Variants in GABRA6 observed in about 807,000 individuals in gnomAD.
GABRA6 encodes gamma-aminobutyric acid receptor subunit alpha-6.
In GABRA6, 45 loss-of-function variants were observed where a neutral mutation model predicts 47.3. That is an observed-to-expected ratio of 0.95 (90% CI 0.75 to 1.22). The LOEUF is 1.22. GABRA6 is among the 50% of genes most tolerant of loss of function. The probability of loss-of-function intolerance (pLI) is 0.00; values close to 1 mark genes in which losing one functional copy is unlikely to be tolerated. For missense variants in GABRA6, 583 were observed against 549.3 expected, an observed-to-expected ratio of 1.06 and a Z score of -0.61; for synonymous variants, 219 against 194.7, an observed-to-expected ratio of 1.12 and a Z score of -1.04.
chr5:161,690,544 T>A (rs920802195), intron 7 of GABRA6, among the ~76,000 whole-genome samples, 191 bp downstream of exon 7: 4 of 152,132 alleles, frequency 2.6e-5, no homozygotes, highest in Non-Finnish European at 5.9e-5. Context: ...TCAAAAAAAA[T>A]TTTGTCTCAG....
At position 161,689,352 on chromosome 5, in the gene GABRA6, C is replaced by A; in HGVS notation, c.529+16C>A. The stretch of plus-strand genomic sequence containing the variant: ...TTTGGGAGCTGTAAGTTACAACAGG[C>A]TTCTGAGAGTCAAATAATACATCCA... On this transcript the variant is annotated intron_variant, in intron 5 of 8. Transcript: ENST00000274545. The A allele has an allele frequency of 6.2e-7, 1 of 1,602,992 alleles. No individual in the cohort carries two copies. The highest frequency in any genetic ancestry group is 2.2e-5 in the East Asian group (1 of 44,798).
At position 161,688,957 on chromosome 5, in the gene GABRA6, G is replaced by A. The variant is rs758070899; in HGVS notation, c.234G>A (p.Thr78=). Residue 78 remains threonine (T), a synonymous_variant, in exon 4 of 9, where the codon ACG becomes ACA. Coordinates refer to ENST00000274545, the MANE Select transcript of GABRA6 (RefSeq NM_000811.3). ...ATTTTATTTTCTCTTAGGAGTATAC[G>A]ATGGATGTTTTTTTCCGCCAGACCT... is the stretch of plus-strand genomic sequence containing the variant. ...GPVSDVEMEY[T]MDVFFRQTWT... 7.4e-6 allele frequency: 12 copies of A among 1,613,068 alleles called. No individual in the cohort carries two copies. Among genetic ancestry groups the A allele is most frequent in the Admixed American group, 5.0e-5 (3 of 60,004 alleles).
chr5:161,685,989 G>T lies in GABRA6; in HGVS notation c.-1G>T. The T allele has an allele frequency of 6.2e-7, 1 of 1,613,768 alleles. No individual in the cohort carries two copies. Among genetic ancestry groups the T allele is most frequent in the Non-Finnish European group, 8.5e-7 (1 of 1,179,640 alleles). On this transcript the variant is annotated 5_prime_UTR_variant, in exon 1 of 9. Coordinates refer to ENST00000274545, the MANE Select transcript of GABRA6 (RefSeq NM_000811.3). ...AATTCTGCATTTCAGTGCACTGCAG[G>T]ATGGCGTCGTCTCTGCCCTGGCTGT...
At chr5:161,686,427 C>A in intron 2 of GABRA6, 79 bp downstream of exon 2, 1 of 1,094,148 alleles carries the variant, frequency 9.1e-7, no homozygotes, top group Non-Finnish European at 1.4e-6. Context: ...CCAGAAGAGT[C>A]AGAAACTAGG....
intron 3 of GABRA6, among the ~76,000 whole-genome samples, chr5:161,688,370 A>G (rs1319736391): frequency 6.6e-6 from 1 of 152,148 alleles, no homozygotes; most frequent in Non-Finnish European, 1.5e-5. Flanking sequence ...CATAATTTTG[A>G]TGATACATAC....
chr5:161,693,667 A>AAT (rs1754842658), intron 8 of GABRA6, among the ~76,000 whole-genome samples: 1 of 151,442 alleles, frequency 6.6e-6, no homozygotes, highest in African/African-American at 2.4e-5. Flanking sequence ...TAAAAAAAAA[A>AAT]ATTGCTCTGT....
chr5:161,688,968 T>G lies in GABRA6; in HGVS notation c.245T>G (p.Phe82Cys). The G allele has an allele frequency of 6.2e-7, 1 of 1,613,892 alleles. No homozygotes were observed. Among genetic ancestry groups the G allele is most frequent in the Non-Finnish European group, 8.5e-7 (1 of 1,179,864 alleles). The change falls in exon 4 of 9, where the codon TTT (phenylalanine) becomes TGT (cysteine). Residue 82 changes from phenylalanine to cysteine, a missense_variant. Physicochemically the swap from Phe to Cys is radical, Grantham distance 205. Coordinates refer to ENST00000274545, the MANE Select transcript of GABRA6 (RefSeq NM_000811.3). ...DVEMEYTMDV[F>C]FRQTWTDERL... The stretch of plus-strand genomic sequence containing the variant: ...TCTTAGGAGTATACGATGGATGTTT[T>G]TTTCCGCCAGACCTGGACTGATGAG...
At chr5:161,695,330 T>A (rs907714817) in intron 8 of GABRA6, among the ~76,000 whole-genome samples, 2 of 152,144 alleles carry the variant, frequency 1.3e-5, no homozygotes, top group African/African-American at 4.8e-5. Context: ...ATCTTTCTGT[T>A]TTTAAGACAT....
intron 1 of GABRA6, 81 bp from the exon 2 acceptor site, chr5:161,686,149 G>C: frequency 3.6e-6 from 5 of 1,389,282 alleles, no homozygotes; most frequent in Non-Finnish European, 5.1e-6. Flanking sequence ...GCATGTATTT[G>C]TAACAGGGTG....
chr5:161,685,944 A>G lies in GABRA6; in HGVS notation c.-46A>G. On this transcript the variant is annotated 5_prime_UTR_variant, in exon 1 of 9. Coordinates refer to ENST00000274545, the MANE Select transcript of GABRA6 (RefSeq NM_000811.3). ...GGCAGAGAAGAGCTGGCTAGCAGGG[A>G]GGACGACCCTAGGAGGGTGAATTCT... The G allele has an allele frequency of 6.4e-7, 1 of 1,552,072 alleles. No homozygotes were observed. Among genetic ancestry groups the G allele is most frequent in the Non-Finnish European group, 8.9e-7 (1 of 1,122,816 alleles).
chr5:161,689,497 C>A, intron 5 of GABRA6, 139 bp from the exon 6 acceptor site: 2 of 1,032,808 alleles, frequency 1.9e-6, no homozygotes, highest in Non-Finnish European at 1.5e-6. Flanking sequence ...TAAATTGAGG[C>A]TTTAGTCACC....
chr5:161,694,330 A>C (rs984545116), intron 8 of GABRA6, among the ~76,000 whole-genome samples: 1 of 151,744 alleles, frequency 6.6e-6, no homozygotes, highest in Non-Finnish European at 1.5e-5. Flanking sequence ...AGATCGTCAA[A>C]AACAGAAAAA....
chr5:161,690,166 G>A lies in GABRA6; in HGVS notation c.674-35G>A, dbSNP rs776792449. The A allele has an allele frequency of 3.1e-6, 5 of 1,593,912 alleles. No homozygotes were observed. In the East Asian group the frequency reaches 6.7e-5, roughly 21 times the overall value. ...ACTGCATTCTTTTTGCAGACTGTCAGCAGTAATAATACTGATGTATGTGTC... is the reference window on the plus strand; with the variant it reads ...ACTGCATTCTTTTTGCAGACTGTCAACAGTAATAATACTGATGTATGTGTC... On this transcript the variant is annotated intron_variant, in intron 6 of 8. Coordinates refer to ENST00000274545, the MANE Select transcript of GABRA6 (RefSeq NM_000811.3).
At chr5:161,689,455 T>C in intron 5 of GABRA6, 119 bp downstream of exon 5, 1 of 1,062,766 alleles carries the variant, frequency 9.4e-7, no homozygotes, top group Non-Finnish European at 1.4e-6. Context: ...AGTGTGATTC[T>C]AGGAATATAC....
Position 161,701,744 on chromosome 5 carries a change from A to C in GABRA6, c.1333A>C (p.Thr445Pro). The C allele has an allele frequency of 6.2e-7, 1 of 1,614,188 alleles. No individual in the cohort carries two copies. The highest frequency in any genetic ancestry group is 8.5e-7 in the Non-Finnish European group (1 of 1,179,982). Residue 445 changes from threonine to proline, a missense_variant, in exon 9 of 9, where the codon ACA becomes CCA. Thr to Pro is a conservative substitution (Grantham distance 38). Coordinates refer to ENST00000274545, the MANE Select transcript of GABRA6 (RefSeq NM_000811.3). The stretch of plus-strand genomic sequence containing the variant: ...CTGGGTAGTTTATCTTTCCAAAGAT[A>C]CAATGGAAGTCAGTAGCAGTGTTGA... ...VYWVVYLSKD[T>P]MEVSSSVE
chr5:161,691,173 A>G (rs1006728805), intron 7 of GABRA6, among the ~76,000 whole-genome samples: 1 of 151,902 alleles, frequency 6.6e-6, no homozygotes, highest in Non-Finnish European at 1.5e-5. Context: ...TAGAAACACA[A>G]ATTAGGTAAC....
intron 4 of GABRA6, 22 bp from the exon 5 acceptor site, chr5:161,689,232 C>T (rs773941643): frequency 9.4e-6 from 15 of 1,603,372 alleles, no homozygotes; most frequent in African/African-American, 1.5e-5. Context: ...TAACTCAGAA[C>T]CGTTGATTTC....
chr5:161,694,335 GA>G (rs539049925), intron 8 of GABRA6, among the ~76,000 whole-genome samples: 6 of 149,474 alleles, frequency 4.0e-5, no homozygotes, highest in Admixed American at 6.7e-5. Context: ...GTCAAAAACA[GA>G]AAAAAAAGGA....
At chr5:161,696,999 AT>A (rs1754898047) in intron 8 of GABRA6, among the ~76,000 whole-genome samples, 1 of 152,218 alleles carries the variant, frequency 6.6e-6, no homozygotes, top group Non-Finnish European at 1.5e-5. Context: ...TGAATTACAT[AT>A]AAAAATCTGT....
Sources: allele counts gnomAD v4.1 joint callset (sites outside exome capture counted in the v4.1 genomes callset), GRCh38; gene constraint gnomAD v4.1.1; transcripts MANE v1.5; gene names NCBI Gene and HGNC (gene_info 2026-07-23, HGNC 2026-07-21).